MEIS2: variants seen among roughly 807,000 people sequenced by gnomAD.
MEIS2 encodes the protein Meis homeobox 2.
In MEIS2, 9 loss-of-function variants were observed where a neutral mutation model predicts 58.6. That is an observed-to-expected ratio of 0.15 (90% confidence interval 0.09 to 0.27). The LOEUF is 0.27. MEIS2 is among the 10% of genes least tolerant of loss of function. MEIS2 has a pLI of 1.00. For synonymous variants in MEIS2, 221 were observed against 228.4 expected (o/e 0.97, Z 0.29); for missense variants, 427 against 635.0 (o/e 0.67, Z 3.52).
In MEIS2 at chr15:37,030,640, A is replaced by ATATTAT. The variant is rs60061235; in HGVS notation, c.900+6168_900+6173dup. On this transcript the variant is annotated intron_variant, in intron 8 of 11. Coordinates refer to ENST00000561208, the MANE Select transcript of MEIS2 (RefSeq NM_170675.5). ...GCGTGAGTCATCGCCCCCAGCCTGG[A>ATATTAT]TATTATTATTATTATTATTATTTTT... 6.1e-4 allele frequency among the ~76,000 whole-genome samples: 91 copies of ATATTAT among 148,720 alleles called. No homozygotes were observed. In the East Asian group the frequency reaches 9.1e-3, roughly 15 times the overall value.
In MEIS2 at chr15:36,891,992, C is replaced by T. The variant is rs534749818; in HGVS notation, c.*181G>A. On this transcript the variant is annotated 3_prime_UTR_variant, in exon 12 of 12. Transcript: ENST00000561208. Reference sequence around the variant, plus strand: ...CATGGACAGAATTGTCTCAGTCAGCCCATGATTTCACATTTGTGTTCTTGT... The same window carrying T: ...CATGGACAGAATTGTCTCAGTCAGCTCATGATTTCACATTTGTGTTCTTGT... 2 of 675,272 alleles carry T rather than the reference C, an allele frequency of 3.0e-6. No individual in the cohort carries two copies. The highest frequency in any genetic ancestry group is 5.5e-5 in the Admixed American group (2 of 36,654). 41.8% of individuals were successfully genotyped at this position (675,272 alleles called of 1,614,324 possible).
intron 9 of MEIS2, among the ~76,000 whole-genome samples, chr15:36,911,881 A>C (rs2057043954): frequency 6.6e-6 from 1 of 152,210 alleles, no homozygotes; most frequent in Admixed American, 6.5e-5. Flanking sequence ...AAGAATTGGC[A>C]AAGCAATTCT....
chr15:36,892,103 T>C lies in MEIS2; in HGVS notation c.*70A>G, dbSNP rs925116788. 6.6e-6 allele frequency: 10 copies of C among 1,511,932 alleles called. No individual in the cohort carries two copies. In the Admixed American group the frequency reaches 1.4e-4, roughly 21 times the overall value. The allele number at this position is 1,511,932 out of a possible 1,614,324, so 93.7% of individuals were successfully genotyped here. On this transcript the variant is annotated 3_prime_UTR_variant, in exon 12 of 12. Coordinates refer to ENST00000561208, the MANE Select transcript of MEIS2 (RefSeq NM_170675.5). ...TGGAATTTCATATTAAGTGTCAACA[T>C]CTGGTCAAAGTTCAGAAAGTCTTAA...
intron 8 of MEIS2, among the ~76,000 whole-genome samples, chr15:36,996,962 G>A (rs896035368): frequency 5.3e-5 from 8 of 152,162 alleles, no homozygotes; most frequent in Non-Finnish European, 1.0e-4. Flanking sequence ...TCCAAAACTG[G>A]ATGTCAAACA....
chr15:37,083,979 GTATACATA>G, intron 6 of MEIS2, 94 bp from the exon 7 acceptor site: 1 of 1,006,492 alleles, frequency 9.9e-7, no homozygotes, highest in Non-Finnish European at 1.5e-6. Flanking sequence ...ACAAAAAAAT[GTATACATA>G]TTAGTATTTG....
chr15:36,950,692 G>C (rs375938649), intron 8 of MEIS2, among the ~76,000 whole-genome samples: 143 of 152,166 alleles, frequency 9.4e-4, no homozygotes, highest in African/African-American at 3.3e-3. Flanking sequence ...GATGGTGTCA[G>C]AATTTTGGTC....
intron 7 of MEIS2, among the ~76,000 whole-genome samples, chr15:37,041,651 T>C (rs1350769133): frequency 6.6e-6 from 1 of 152,160 alleles, no homozygotes; most frequent in Non-Finnish European, 1.5e-5. Context: ...ATATCCATAG[T>C]TGTGTATCCA....
chr15:37,055,775 A>G (rs955744136), intron 7 of MEIS2, among the ~76,000 whole-genome samples: 1 of 152,192 alleles, frequency 6.6e-6, no homozygotes, highest in Admixed American at 6.5e-5. Flanking sequence ...TTTCATTACC[A>G]TGGAATCAGT....
intron 8 of MEIS2, among the ~76,000 whole-genome samples, chr15:36,950,732 A>G (rs1008101599): frequency 2.0e-5 from 3 of 152,118 alleles, no homozygotes; most frequent in Non-Finnish European, 4.4e-5. Context: ...CACTAAAGGA[A>G]CTGGTTTCAG....
chr15:36,910,055 T>C (rs1328717739), intron 9 of MEIS2, among the ~76,000 whole-genome samples: 1 of 151,696 alleles, frequency 6.6e-6, no homozygotes, highest in Non-Finnish European at 1.5e-5. Context: ...CCTTAAGAAA[T>C]TAGTCAGGCA....
intron 9 of MEIS2, among the ~76,000 whole-genome samples, chr15:36,906,212 T>C (rs541327490): frequency 1.3e-5 from 2 of 152,298 alleles, no homozygotes; most frequent in East Asian, 3.9e-4. Flanking sequence ...AATTGAATTC[T>C]TGAAATTCCT....
intron 9 of MEIS2, among the ~76,000 whole-genome samples, chr15:36,937,369 C>T (rs943668587): frequency 5.3e-5 from 8 of 152,050 alleles, no homozygotes; most frequent in African/African-American, 9.7e-5. Context: ...TTTTGTGAAA[C>T]GCTACATGTA....
At chr15:37,100,773 G>A (rs1170572006), upstream of MEIS2, 1 of 151,842 alleles carries the variant, frequency 6.6e-6, no homozygotes, top group Non-Finnish European at 1.5e-5. Flanking sequence ...AACAGGGAGA[G>A]AGGGAGAGGG....
chr15:36,998,236 GT>G (rs5811954), intron 8 of MEIS2, among the ~76,000 whole-genome samples: 3,310 of 66,818 alleles, frequency 0.05, 75 homozygotes, highest in African/African-American at 0.18. Context: ...AAAACACAAA[GT>G]TTTTTTTTTT....
In MEIS2 at chr15:36,890,479, T is replaced by C. The variant is rs1460225982; in HGVS notation, c.*1694A>G. The C allele has an allele frequency of 6.6e-6, 1 of 152,150 alleles. No individual in the cohort carries two copies. Among genetic ancestry groups the C allele is most frequent in the Non-Finnish European group, 1.5e-5 (1 of 68,008 alleles). The allele number at this position is 152,150 out of a possible 1,614,324, so 9.4% of individuals were successfully genotyped here. The stretch of plus-strand genomic sequence containing the variant: ...TGTCTGAAATAAAAATATACCACAA[T>C]ATAATTTATAAAATATTAATGATTA... On this transcript the variant is annotated 3_prime_UTR_variant, in exon 12 of 12. Transcript: ENST00000561208.
chr15:37,055,609 C>T (rs1481433676), intron 7 of MEIS2, among the ~76,000 whole-genome samples: 2 of 152,106 alleles, frequency 1.3e-5, no homozygotes, highest in African/African-American at 4.8e-5. Context: ...TAAAAGAACG[C>T]CAACCACAGA....
intron 8 of MEIS2, among the ~76,000 whole-genome samples, chr15:37,008,900 C>T (rs1452469583): frequency 6.6e-6 from 1 of 152,148 alleles, no homozygotes; most frequent in African/African-American, 2.4e-5. Context: ...AACCCTAAAC[C>T]AGTAAACATA....
In MEIS2 at chr15:36,892,094, G is replaced by T; in HGVS notation, c.*79C>A. ...ACAGCTGTCTGGAATTTCATATTAA[G>T]TGTCAACATCTGGTCAAAGTTCAGA... On this transcript the variant is annotated 3_prime_UTR_variant, in exon 12 of 12. Coordinates refer to ENST00000561208, the MANE Select transcript of MEIS2 (RefSeq NM_170675.5). 1.4e-6 allele frequency: 2 copies of T among 1,416,328 alleles called. No homozygotes were observed. The highest frequency in any genetic ancestry group is 2.0e-6 in the Non-Finnish European group (2 of 1,016,384). The allele number at this position is 1,416,328 out of a possible 1,614,324, so 87.7% of individuals were successfully genotyped here.
chr15:37,015,805 C>T (rs560827720), intron 8 of MEIS2, among the ~76,000 whole-genome samples: 5 of 152,120 alleles, frequency 3.3e-5, no homozygotes, highest in African/African-American at 1.2e-4. Context: ...TGCAGCTTCA[C>T]GAGGCTCTAG....
Sources: allele counts gnomAD v4.1 joint callset (sites outside exome capture counted in the v4.1 genomes callset), GRCh38; gene constraint gnomAD v4.1.1; transcripts MANE v1.5; gene names NCBI Gene and HGNC (gene_info 2026-07-23, HGNC 2026-07-21).